TMEM182: variants seen among roughly 807,000 people sequenced by gnomAD.
TMEM182 encodes the protein transmembrane protein 182.
A neutral mutation model predicts 26.8 loss-of-function variants in TMEM182; 20 were observed. The observed-to-expected ratio is 0.75, with a 90% CI of 0.53 to 1.09. TMEM182 has a LOEUF of 1.09. TMEM182 is among the 50% of genes least tolerant of loss of function. The pLI is 0.00. For synonymous variants in TMEM182, 109 were observed against 102.2 expected (o/e 1.07, Z -0.40); for missense variants, 277 against 275.5 (o/e 1.01, Z -0.04).
At chr2:102,744,741 T>C (rs535094808) in intron 1 of TMEM182, among the ~76,000 whole-genome samples, 89 of 152,284 alleles carry the variant, frequency 5.8e-4, no homozygotes, top group African/African-American at 2.1e-3. Flanking sequence ...TTCATCCTTA[T>C]ATGTTTTCTG....
intron 1 of TMEM182, among the ~76,000 whole-genome samples, chr2:102,744,161 C>T (rs1174457227): frequency 1.3e-5 from 2 of 152,028 alleles, no homozygotes; most frequent in Non-Finnish European, 2.9e-5. Flanking sequence ...CATTCTGGGC[C>T]ATAAAATACG....
chr2:102,783,347 T>C (rs563870998), intron 3 of TMEM182, among the ~76,000 whole-genome samples: 6 of 152,318 alleles, frequency 3.9e-5, no homozygotes, highest in South Asian at 4.1e-4. Context: ...AAAAGAAATA[T>C]TGACAATCTA....
At chr2:102,828,980 C>T (rs1683097399) in intron 3 of TMEM182, among the ~76,000 whole-genome samples, 1 of 152,082 alleles carries the variant, frequency 6.6e-6, no homozygotes, top group South Asian at 2.1e-4. Flanking sequence ...TATTCTGTGG[C>T]CCGTTTATGG....
chr2:102,770,648 A>G (rs1680634340), intron 3 of TMEM182, among the ~76,000 whole-genome samples: 1 of 152,200 alleles, frequency 6.6e-6, no homozygotes, highest in Admixed American at 6.5e-5. Context: ...AAGGGGTTGT[A>G]TCAGAATGAT....
Position 102,764,419 on chromosome 2 carries a change from C to T in TMEM182, c.323C>T (p.Ser108Phe). The T allele has an allele frequency of 6.2e-7, 1 of 1,613,674 alleles. No individual in the cohort carries two copies. The highest frequency in any genetic ancestry group is 8.5e-7 in the Non-Finnish European group (1 of 1,179,738). ...GAGCACAACTCGACCTCCTATGACT[C>T]TGCAGTTAGTAAGTACCCTCTGTCC... ...RGEHNSTSYD[S>F]AVIYRGFWAV... is the part of the protein sequence containing the mutation. Residue 108 changes from serine (S) to phenylalanine (F), a missense_variant, in exon 3 of 5, where the codon TCT becomes TTT. Transcript: ENST00000412401.
intron 3 of TMEM182, among the ~76,000 whole-genome samples, chr2:102,781,580 T>C (rs1237562959): frequency 6.6e-6 from 1 of 152,026 alleles, no homozygotes; most frequent in Admixed American, 6.5e-5. Flanking sequence ...GGATGCTCCA[T>C]TGTTACAAGG....
In TMEM182 at chr2:102,738,923, G is replaced by C. The variant is rs188259119; in HGVS notation, c.-83+1910G>C. Among the ~76,000 whole-genome samples, 18 of 152,294 alleles carry C rather than the reference G, an allele frequency of 1.2e-4. No homozygotes were observed. In the East Asian group the frequency reaches 3.3e-3, roughly 28 times the overall value. ...AAGTTTTGGAAAAATGACAATGTCA[G>C]AGTGGATTTATTATGTATGACTTGC... On this transcript the variant is annotated intron_variant, in intron 1 of 5. Transcript: ENST00000409173.
rs112070535 is a variant in TMEM182, at chr2:102,815,055, A to C, written c.*87A>C. The C allele has an allele frequency of 6.6e-6, 10 of 1,516,552 alleles. No individual in the cohort carries two copies. The highest frequency in any genetic ancestry group is 7.9e-6 in the Non-Finnish European group (9 of 1,136,344). The allele number at this position is 1,516,552 out of a possible 1,614,324, so 93.9% of individuals were successfully genotyped here. ...TTTTGTTTCATTGATCCCAGCATAAAGTTAGTAGATATAACTTTTTAGTTG... is the reference window on the plus strand; with the variant it reads ...TTTTGTTTCATTGATCCCAGCATAACGTTAGTAGATATAACTTTTTAGTTG... On this transcript the variant is annotated 3_prime_UTR_variant, in exon 5 of 5. Coordinates refer to ENST00000412401, the MANE Select transcript of TMEM182 (RefSeq NM_144632.5).
chr2:102,773,353 A>AG (rs574287910), intron 3 of TMEM182, among the ~76,000 whole-genome samples: 1 of 151,958 alleles, frequency 6.6e-6, no homozygotes, highest in African/African-American at 2.4e-5. Context: ...CTGGGGACTA[A>AG]GGGGGTGGAT....
At chr2:102,820,842 A>T (rs1682903364), downstream of TMEM182, among the ~76,000 whole-genome samples, 1 of 152,214 alleles carries the variant, frequency 6.6e-6, no homozygotes, top group African/African-American at 2.4e-5. Context: ...GCTGTGAATT[A>T]GATAGAGGTT....
intron 4 of TMEM182, among the ~76,000 whole-genome samples, chr2:102,811,630 C>T (rs1682558674): frequency 6.6e-6 from 1 of 152,130 alleles, no homozygotes; most frequent in Non-Finnish European, 1.5e-5. Context: ...GCTTCCCTTT[C>T]CCTATTCATT....
intron 3 of TMEM182, among the ~76,000 whole-genome samples, chr2:102,766,502 A>G (rs1214312890): frequency 3.9e-5 from 6 of 152,212 alleles, no homozygotes; most frequent in Non-Finnish European, 7.3e-5. Context: ...CAACAGAAAT[A>G]CTATACACAA....
downstream of TMEM182, among the ~76,000 whole-genome samples, chr2:102,820,819 G>T (rs1329029463): frequency 1.3e-5 from 2 of 152,306 alleles, no homozygotes; most frequent in East Asian, 3.9e-4. Flanking sequence ...GAGGGAAAAA[G>T]TTGAAAGGAC....
chr2:102,793,694 T>A (rs1243079714), intron 3 of TMEM182, among the ~76,000 whole-genome samples: 1 of 152,252 alleles, frequency 6.6e-6, no homozygotes, highest in Non-Finnish European at 1.5e-5. Flanking sequence ...ATTGTTGCTA[T>A]ACTGTATTGT....
intron 3 of TMEM182, among the ~76,000 whole-genome samples, chr2:102,787,644 C>A (rs1681453613): frequency 6.6e-6 from 1 of 152,122 alleles, no homozygotes; most frequent in African/African-American, 2.4e-5. Context: ...CAGAGGACTT[C>A]AGCATTTTTT....
At chr2:102,831,459 A>C (rs1475931536) in intron 3 of TMEM182, among the ~76,000 whole-genome samples, 1 of 152,202 alleles carries the variant, frequency 6.6e-6, no homozygotes, top group Non-Finnish European at 1.5e-5. Flanking sequence ...GTCATCTTAA[A>C]AGAAGAAGAG....
intron 3 of TMEM182, among the ~76,000 whole-genome samples, chr2:102,777,120 G>A (rs1314250327): frequency 6.6e-6 from 1 of 151,686 alleles, no homozygotes; most frequent in Non-Finnish European, 1.5e-5. Flanking sequence ...TCTTAACAGT[G>A]TCGTTCACAG....
chr2:102,772,939 G>GGTGTGTGT (rs71948151), intron 3 of TMEM182, among the ~76,000 whole-genome samples: 3 of 147,912 alleles, frequency 2.0e-5, no homozygotes, highest in Non-Finnish European at 4.5e-5. Context: ...CTCTCTGAAG[G>GGTGTGTGT]GTGTGTGTGT....
intron 3 of TMEM182, among the ~76,000 whole-genome samples, chr2:102,783,740 C>G (rs1381984182): frequency 2.0e-5 from 3 of 152,078 alleles, no homozygotes; most frequent in Admixed American, 2.0e-4. Context: ...TATGATCATG[C>G]CTGTGAACAG....
Sources: allele counts gnomAD v4.1 joint callset (sites outside exome capture counted in the v4.1 genomes callset), GRCh38; gene constraint gnomAD v4.1.1; transcripts MANE v1.5; gene names NCBI Gene and HGNC (gene_info 2026-07-23, HGNC 2026-07-21).